The following TXNDC15 variants were observed in gnomAD, a reference collection of about 807,000 sequenced individuals.
TXNDC15 encodes the protein thioredoxin domain-containing protein 15.
A neutral mutation model predicts 35.0 loss-of-function variants in TXNDC15; 24 were observed. That is an observed-to-expected ratio of 0.68 (90% CI 0.50 to 0.96). The LOEUF (loss-of-function observed/expected upper bound fraction) is 0.96. TXNDC15 is among the 40% of genes least tolerant of loss of function. The pLI is 0.00. For synonymous variants in TXNDC15, 169 were observed against 174.0 expected (o/e 0.97, Z 0.23); for missense variants, 385 against 453.3 (o/e 0.85, Z 1.37).
chr5:134,896,533 T>G, intron 4 of TXNDC15, 109 bp downstream of exon 4: 1 of 1,400,754 alleles, frequency 7.1e-7, no homozygotes, highest in South Asian at 1.3e-5. Context: ...CAAGACTGAC[T>G]TTGAGTTGTA....
chr5:134,884,040 G>A (rs1750221719), intron 1 of TXNDC15, among the ~76,000 whole-genome samples: 1 of 151,152 alleles, frequency 6.6e-6, no homozygotes, highest in Admixed American at 6.6e-5. Flanking sequence ...CCAACATGGC[G>A]AAACCTCATC....
intron 1 of TXNDC15, among the ~76,000 whole-genome samples, chr5:134,882,794 A>C (rs1205334509): frequency 2.0e-5 from 3 of 152,220 alleles, no homozygotes; most frequent in East Asian, 3.9e-4. Flanking sequence ...GCAGCAGTAC[A>C]GTCCAGCTTC....
intron 1 of TXNDC15, among the ~76,000 whole-genome samples, chr5:134,877,202 C>T (rs779167392): frequency 4.6e-5 from 7 of 152,008 alleles, no homozygotes; most frequent in African/African-American, 7.2e-5. Context: ...GGAAGCTTCC[C>T]AGCAGAGAAA....
At chr5:134,880,582 G>T (rs950395865) in intron 1 of TXNDC15, among the ~76,000 whole-genome samples, 4 of 151,832 alleles carry the variant, frequency 2.6e-5, no homozygotes, top group African/African-American at 4.8e-5. Flanking sequence ...GATTACGGGC[G>T]CCCGCTACCA....
At chr5:134,877,214 A>G (rs1483880314) in intron 1 of TXNDC15, among the ~76,000 whole-genome samples, 1 of 152,124 alleles carries the variant, frequency 6.6e-6, no homozygotes, top group Non-Finnish European at 1.5e-5. Context: ...GCAGAGAAAC[A>G]GCCCTCAGGA....
chr5:134,875,802 T>C (rs1750022523), intron 1 of TXNDC15, among the ~76,000 whole-genome samples: 1 of 152,132 alleles, frequency 6.6e-6, no homozygotes, highest in Non-Finnish European at 1.5e-5. Flanking sequence ...CCTGAGTAGC[T>C]GGGATTACAG....
intron 1 of TXNDC15, among the ~76,000 whole-genome samples, chr5:134,882,279 T>A (rs907677380): frequency 2.7e-5 from 4 of 147,086 alleles, no homozygotes; most frequent in Non-Finnish European, 4.5e-5. Context: ...ACTTCCTAGA[T>A]GGGATGGCGG....
At chr5:134,881,341 G>T (rs1368339479) in intron 1 of TXNDC15, among the ~76,000 whole-genome samples, 184 of 110,794 alleles carry the variant, frequency 1.7e-3, no homozygotes, top group Admixed American at 3.1e-3. Context: ...GCGGCCTTCC[G>T]CAGTGTTTGT....
chr5:134,882,341 T>C (rs546591458), intron 1 of TXNDC15, among the ~76,000 whole-genome samples: 4,070 of 147,990 alleles, frequency 0.028, 154 homozygotes, highest in African/African-American at 0.09. Flanking sequence ...CGGGCAGAGA[T>C]GCTCCTCACT....
chr5:134,874,358 T>A (rs2150182121), upstream of TXNDC15: 2 of 1,359,618 alleles, frequency 1.5e-6, no homozygotes, highest in Non-Finnish European at 9.8e-7. Context: ...CAGGCTCTCC[T>A]CCCCCAGCCT....
chr5:134,901,236 A>G lies in TXNDC15; in HGVS notation c.*1551A>G, dbSNP rs934817860. 7 of 152,222 alleles carry G rather than the reference A, an allele frequency of 4.6e-5. No individual in the cohort carries two copies. Among genetic ancestry groups the G allele is most frequent in the African/African-American group, 9.6e-5 (4 of 41,454 alleles). The allele number at this position is 152,222 out of a possible 1,614,324, so 9.4% of individuals were successfully genotyped here. On this transcript the variant is annotated 3_prime_UTR_variant, in exon 5 of 5. Transcript: ENST00000358387. ...TATTTCACAAGGCACCCTAAATTCTATAGAAATAAAACCTCAGATGAGTCT... is the reference window on the plus strand; with the variant it reads ...TATTTCACAAGGCACCCTAAATTCTGTAGAAATAAAACCTCAGATGAGTCT...
At chr5:134,889,073 A>T (rs1039642885) in intron 2 of TXNDC15, among the ~76,000 whole-genome samples, 2 of 152,200 alleles carry the variant, frequency 1.3e-5, no homozygotes, top group African/African-American at 2.4e-5. Flanking sequence ...AGCTCCTCCA[A>T]GGGCAGTGCT....
chr5:134,885,554 G>A (rs1347717423), intron 1 of TXNDC15, among the ~76,000 whole-genome samples: 1 of 152,158 alleles, frequency 6.6e-6, no homozygotes, highest in Non-Finnish European at 1.5e-5. Flanking sequence ...ATACTTGGGG[G>A]GGCCTCTGCA....
At chr5:134,898,996 G>A (rs1750548126) in intron 4 of TXNDC15, among the ~76,000 whole-genome samples, 2 of 151,962 alleles carry the variant, frequency 1.3e-5, no homozygotes, top group South Asian at 2.1e-4. Context: ...AGAATCGCTC[G>A]AACCCAGGAG....
intron 1 of TXNDC15, among the ~76,000 whole-genome samples, chr5:134,874,765 G>A (rs1423258043): frequency 6.6e-6 from 1 of 152,260 alleles, no homozygotes; most frequent in Non-Finnish European, 1.5e-5. Flanking sequence ...GCCGCGTTCA[G>A]GCCGCCCTCA....
At chr5:134,890,237 G>A (rs974449961) in intron 2 of TXNDC15, among the ~76,000 whole-genome samples, 1 of 151,292 alleles carries the variant, frequency 6.6e-6, no homozygotes, top group Non-Finnish European at 1.5e-5. Context: ...GTCTCACTAT[G>A]TTGCATAGGC....
intron 1 of TXNDC15, among the ~76,000 whole-genome samples, chr5:134,878,186 A>G (rs1309127975): frequency 1.3e-5 from 2 of 152,236 alleles, no homozygotes; most frequent in East Asian, 1.9e-4. Context: ...TGTTAGGATT[A>G]CAGGTATGAA....
intron 1 of TXNDC15, among the ~76,000 whole-genome samples, chr5:134,886,617 C>G (rs958551315): frequency 6.6e-6 from 1 of 152,212 alleles, no homozygotes. Flanking sequence ...TCTGCACTGC[C>G]GAGCCCATCT....
intron 1 of TXNDC15, among the ~76,000 whole-genome samples, chr5:134,879,424 G>T (rs1169126778): frequency 6.6e-6 from 1 of 152,128 alleles, no homozygotes; most frequent in Non-Finnish European, 1.5e-5. Context: ...GAAGAACTGT[G>T]GTGTTTGGGA....
Sources: gnomAD v4.1 joint callset for allele counts (sites outside exome capture counted in the v4.1 genomes callset) on GRCh38, gnomAD v4.1.1 for gene constraint, MANE v1.5 for transcripts, NCBI Gene and HGNC (gene_info 2026-07-23, HGNC 2026-07-21) for gene names.